The following RYR2 variants were observed in gnomAD, a reference collection of about 807,000 sequenced individuals.
RYR2 encodes ryanodine receptor 2, also known as cardiac muscle ryanodine receptor-calcium release channel.
In RYR2, 227 loss-of-function variants were observed where a neutral mutation model predicts 601.1. That is an observed-to-expected ratio of 0.38 (90% CI 0.34 to 0.42). The LOEUF (loss-of-function observed/expected upper bound fraction) is 0.42. Ranked by LOEUF, RYR2 falls within the 10% of genes least tolerant of loss-of-function variation. The pLI is 1.00. For missense variants in RYR2, 4,646 were observed against 6,156.5 expected (o/e 0.75, Z 8.21); for synonymous variants, 2,223 against 2,175.1 (o/e 1.02, Z -0.61).
intron 24 of RYR2, among the ~76,000 whole-genome samples, chr1:237,514,217 T>G (rs1572672486): frequency 6.6e-6 from 1 of 152,244 alleles, no homozygotes; most frequent in East Asian, 1.9e-4. Context: ...AAATTTGCAG[T>G]GCATTCCCTA....
At chr1:237,543,355 A>C (rs1300834802) in intron 25 of RYR2, among the ~76,000 whole-genome samples, 1 of 152,212 alleles carries the variant, frequency 6.6e-6, no homozygotes, top group African/African-American at 2.4e-5. Flanking sequence ...TAGAAGAAAT[A>C]TAACCCTTGT....
chr1:237,223,034 A>G (rs1409280652), intron 1 of RYR2, among the ~76,000 whole-genome samples: 1 of 152,172 alleles, frequency 6.6e-6, no homozygotes. Flanking sequence ...ATGCCATTGC[A>G]CTCCAGCCTG....
intron 44 of RYR2, among the ~76,000 whole-genome samples, chr1:237,635,417 A>T (rs867915947): frequency 7.9e-5 from 12 of 152,106 alleles, no homozygotes; most frequent in African/African-American, 2.7e-4. Context: ...TCAGTTTTTA[A>T]AAAGGTTATT....
intron 2 of RYR2, among the ~76,000 whole-genome samples, chr1:237,317,664 A>AT (rs1264872896): frequency 2.0e-5 from 3 of 151,682 alleles, no homozygotes; most frequent in South Asian, 2.1e-4. Context: ...GATGCCTTTC[A>AT]TTTTTTTCTC....
intron 1 of RYR2, among the ~76,000 whole-genome samples, chr1:237,199,069 G>A (rs1289468942): frequency 6.6e-6 from 1 of 152,100 alleles, no homozygotes; most frequent in Non-Finnish European, 1.5e-5. Flanking sequence ...GTTCCTTGCC[G>A]GGGTCCTGCA....
At chr1:237,337,162 GA>G (rs1290155236) in intron 3 of RYR2, among the ~76,000 whole-genome samples, 1 of 148,250 alleles carries the variant, frequency 6.7e-6, no homozygotes, top group Non-Finnish European at 1.5e-5. Context: ...TGAGGCACGA[GA>G]ATCACTTGAA....
At chr1:237,639,365 T>C (rs890486203) in intron 46 of RYR2, among the ~76,000 whole-genome samples, 164 bp downstream of exon 46, 4 of 152,210 alleles carry the variant, frequency 2.6e-5, no homozygotes, top group African/African-American at 7.2e-5. Flanking sequence ...TGGAATTTGG[T>C]GCTGGAATAG....
At chr1:237,335,300 A>G (rs745631538) in intron 3 of RYR2, among the ~76,000 whole-genome samples, 4 of 152,226 alleles carry the variant, frequency 2.6e-5, no homozygotes, top group Non-Finnish European at 5.9e-5. Flanking sequence ...CAAAATTATG[A>G]TAGACACTTT....
At chr1:237,338,818 C>T (rs955432531) in intron 3 of RYR2, among the ~76,000 whole-genome samples, 1 of 152,118 alleles carries the variant, frequency 6.6e-6, no homozygotes, top group Non-Finnish European at 1.5e-5. Flanking sequence ...GTTGTGTCCA[C>T]GCTAGTTGAG....
intron 25 of RYR2, among the ~76,000 whole-genome samples, chr1:237,544,261 A>G (rs1669576403): frequency 6.6e-6 from 1 of 152,130 alleles, no homozygotes; most frequent in South Asian, 2.1e-4. Context: ...TGGCACAGAG[A>G]ATGTGCATGT....
At chr1:237,693,941 T>C (rs1240173688) in intron 63 of RYR2, among the ~76,000 whole-genome samples, 3 of 152,196 alleles carry the variant, frequency 2.0e-5, no homozygotes, top group African/African-American at 2.4e-5. Flanking sequence ...AAAATTAATA[T>C]GTTTGTGTTA....
chr1:237,133,659 TG>T (rs1672412988), intron 1 of RYR2, among the ~76,000 whole-genome samples: 1 of 152,138 alleles, frequency 6.6e-6, no homozygotes, highest in South Asian at 2.1e-4. Context: ...GTATAAGAAG[TG>T]GGAGTCGGCC....
At chr1:237,248,754 T>C in intron 1 of RYR2, among the ~76,000 whole-genome samples, 1 of 134,842 alleles carries the variant, frequency 7.4e-6, no homozygotes, top group Admixed American at 8.3e-5. Flanking sequence ...ATTGAATGAA[T>C]GTACATTTTT....
intron 1 of RYR2, among the ~76,000 whole-genome samples, chr1:237,137,831 C>T (rs1672954863): frequency 6.6e-6 from 1 of 152,128 alleles, no homozygotes; most frequent in African/African-American, 2.4e-5. Context: ...GTAAAATCCA[C>T]ACAACATCTA....
intron 1 of RYR2, among the ~76,000 whole-genome samples, chr1:237,126,544 C>T (rs970728522): frequency 6.6e-6 from 1 of 152,136 alleles, no homozygotes; most frequent in African/African-American, 2.4e-5. Context: ...CAGTCTGAGG[C>T]TCCTTCTCCA....
chr1:237,727,525 T>C (rs1690299616), intron 76 of RYR2, among the ~76,000 whole-genome samples: 1 of 152,126 alleles, frequency 6.6e-6, no homozygotes, highest in African/African-American at 2.4e-5. Flanking sequence ...TGTCTTGATT[T>C]GAATTCTGAC....
At chr1:237,427,278 A>G (rs1295401952) in intron 12 of RYR2, among the ~76,000 whole-genome samples, 3 of 152,224 alleles carry the variant, frequency 2.0e-5, no homozygotes, top group Non-Finnish European at 4.4e-5. Context: ...AAAAAAAGGT[A>G]TGAAAACAGA....
chr1:237,550,453 A>G (rs1572836915), intron 26 of RYR2, 91 bp from the exon 27 acceptor site: 2 of 1,450,878 alleles, frequency 1.4e-6, no homozygotes, highest in Non-Finnish European at 9.4e-7. Context: ...CGTTTTTCTC[A>G]TGGAATTTAA....
At chr1:237,612,695 A>T (rs1678019779) in intron 36 of RYR2, among the ~76,000 whole-genome samples, 1 of 152,144 alleles carries the variant, frequency 6.6e-6, no homozygotes, top group South Asian at 2.1e-4. Context: ...AACATTTGGG[A>T]AGGAATTCTT....
Sources: gnomAD v4.1 joint callset for allele counts (sites outside exome capture counted in the v4.1 genomes callset) on GRCh38, gnomAD v4.1.1 for gene constraint, MANE v1.5 for transcripts, NCBI Gene and HGNC (gene_info 2026-07-23, HGNC 2026-07-21) for gene names.